Variants in FAF1 observed in about 807,000 individuals in gnomAD.
FAF1 encodes the protein Fas associated factor 1, also known as FAS-associated factor 1.
In FAF1, 25 loss-of-function variants were observed where a neutral mutation model predicts 92.5. The ratio of observed to expected loss-of-function variants is 0.27; its 90% CI spans 0.20 to 0.38. The LOEUF (loss-of-function observed/expected upper bound fraction) is 0.38. FAF1 is among the 10% of genes least tolerant of loss of function. The pLI, the probability that FAF1 is intolerant of heterozygous loss-of-function variation, is 1.00. For missense variants in FAF1, 636 were observed against 793.3 expected (o/e 0.80, Z 2.38); for synonymous variants, 234 against 273.2 (o/e 0.86, Z 1.42).
At chr1:50,884,615 G>A (rs1315687646) in intron 1 of FAF1, among the ~76,000 whole-genome samples, 7 of 151,814 alleles carry the variant, frequency 4.6e-5, no homozygotes, top group Admixed American at 4.6e-4. Flanking sequence ...CATCCCCCTT[G>A]GTCATGATTA....
chr1:50,688,285 T>C (rs1328404720), intron 7 of FAF1, among the ~76,000 whole-genome samples: 1 of 152,040 alleles, frequency 6.6e-6, no homozygotes, highest in East Asian at 1.9e-4. Context: ...GGAAACCTGT[T>C]CCTCAAAAAC....
intron 1 of FAF1, among the ~76,000 whole-genome samples, chr1:50,888,565 A>T (rs1644689839): frequency 6.6e-6 from 1 of 152,096 alleles, no homozygotes; most frequent in Admixed American, 6.5e-5. Context: ...TACCTAATTT[A>T]TTGAGACTTT....
intron 2 of FAF1, among the ~76,000 whole-genome samples, chr1:50,836,168 C>CTGTTTTTTTTT (rs1644200132): frequency 1.3e-5 from 1 of 75,542 alleles, no homozygotes; most frequent in Non-Finnish European, 2.9e-5. Flanking sequence ...TTTTTTGTTT[C>CTGTTTTTTTTT]TGTTTTTTTT....
chr1:50,718,682 T>C (rs1289020286), intron 6 of FAF1, among the ~76,000 whole-genome samples: 1 of 152,216 alleles, frequency 6.6e-6, no homozygotes, highest in East Asian at 1.9e-4. Context: ...TTACTGTGAT[T>C]TTTTTAATTA....
intron 15 of FAF1, among the ~76,000 whole-genome samples, chr1:50,500,668 A>G (rs1056835610): frequency 9.8e-5 from 15 of 152,320 alleles, no homozygotes; most frequent in African/African-American, 3.6e-4. Context: ...CTTCATCAAA[A>G]TTTTAAACTT....
intron 2 of FAF1, among the ~76,000 whole-genome samples, chr1:50,825,494 A>T (rs1038068015): frequency 6.6e-6 from 1 of 152,048 alleles, no homozygotes; most frequent in African/African-American, 2.4e-5. Flanking sequence ...AATATGTATC[A>T]TCTCTAAATC....
chr1:50,713,232 A>AAAGAAATAATGAAACAGT (rs148587996), intron 6 of FAF1, among the ~76,000 whole-genome samples: 58,039 of 143,374 alleles, frequency 0.4, 12,832 homozygotes, highest in African/African-American at 0.53. Context: ...AGTGTTAACC[A>AAAGAAATAATGAAACAGT]AAGAAATAAT....
intron 6 of FAF1, chr1:50,715,032 C>A (rs77935192): frequency 0.011 from 4,889 of 430,634 alleles, 39 homozygotes; most frequent in Non-Finnish European, 0.016. Context: ...AAATATATAT[C>A]TATTTGCATT....
At chr1:50,604,391 C>T (rs1011545788) in intron 8 of FAF1, among the ~76,000 whole-genome samples, 2 of 152,190 alleles carry the variant, frequency 1.3e-5, no homozygotes, top group Non-Finnish European at 2.9e-5. Context: ...AATCCTCTCA[C>T]TTAACAGGAA....
intron 15 of FAF1, among the ~76,000 whole-genome samples, chr1:50,525,603 G>A (rs1647749224): frequency 6.6e-6 from 1 of 152,206 alleles, no homozygotes; most frequent in Non-Finnish European, 1.5e-5. Flanking sequence ...AGGCAGCAGG[G>A]AAGTTGGAAT....
rs1458249388 is a variant in FAF1 at position 50,515,462 on chromosome 1, C to A, written c.1494+19907G>T. 2.6e-5 allele frequency among the ~76,000 whole-genome samples: 4 copies of A among 152,108 alleles called. No homozygotes were observed. The East Asian group carries it at 7.7e-4, about 29-fold the overall frequency. On this transcript the variant is annotated intron_variant, in intron 15 of 18. Transcript: ENST00000396153. ...AAACACAGACTCTCTGGCCCACCTG[C>A]AGAGATTCTGATTCAGTAGGTCTAG... is the stretch of plus-strand genomic sequence containing the variant.
In FAF1 at chr1:50,672,534, C is replaced by G. The variant is rs549594476; in HGVS notation, c.658-17006G>C. Among the ~76,000 whole-genome samples, 12 of 152,184 alleles carry G rather than the reference C, an allele frequency of 7.9e-5. No individual in the cohort carries two copies. The South Asian group carries it at 1.9e-3, about 24-fold the overall frequency. ...CTGGATTCAAACAATCTGCCTACCT[C>G]GACCTACCAAAGTGCTGGGATTATA... On this transcript the variant is annotated intron_variant, in intron 7 of 18. Coordinates refer to ENST00000396153, the MANE Select transcript of FAF1 (RefSeq NM_007051.3).
chr1:50,669,345 A>G (rs1569722814), intron 7 of FAF1, among the ~76,000 whole-genome samples: 1 of 152,340 alleles, frequency 6.6e-6, no homozygotes, highest in East Asian at 1.9e-4. Context: ...GAAAATCACC[A>G]TTTAATAAGT....
chr1:50,687,595 C>T (rs1656725916), intron 7 of FAF1, among the ~76,000 whole-genome samples: 1 of 151,902 alleles, frequency 6.6e-6, no homozygotes, highest in African/African-American at 2.4e-5. Flanking sequence ...ACTAAAAATA[C>T]AAAAATTAGC....
intron 1 of FAF1, among the ~76,000 whole-genome samples, chr1:50,876,154 T>C (rs1025943472): frequency 6.6e-6 from 1 of 152,178 alleles, no homozygotes; most frequent in Non-Finnish European, 1.5e-5. Context: ...GAGGACACAG[T>C]ACTTGAGCAG....
intron 13 of FAF1, among the ~76,000 whole-genome samples, chr1:50,545,247 C>T (rs932501252): frequency 5.9e-5 from 9 of 152,208 alleles, no homozygotes; most frequent in Admixed American, 1.3e-4. Flanking sequence ...CAAAATTACA[C>T]ATATTGAATT....
At chr1:50,597,288 A>G (rs1000173953) in intron 8 of FAF1, among the ~76,000 whole-genome samples, 3 of 152,204 alleles carry the variant, frequency 2.0e-5, no homozygotes, top group Non-Finnish European at 4.4e-5. Flanking sequence ...CCATGAGAGA[A>G]GCCCACTGTC....
At chr1:50,523,704 T>C (rs1440183210) in intron 15 of FAF1, among the ~76,000 whole-genome samples, 3 of 152,180 alleles carry the variant, frequency 2.0e-5, no homozygotes, top group African/African-American at 2.4e-5. Context: ...AATATTTTCT[T>C]CCATTCTGTG....
intron 8 of FAF1, among the ~76,000 whole-genome samples, chr1:50,629,876 T>A (rs1653682103): frequency 6.6e-6 from 1 of 152,014 alleles, no homozygotes; most frequent in South Asian, 2.1e-4. Flanking sequence ...CTGACCAACA[T>A]GGAGAAACCC....
Sources: gnomAD v4.1 joint callset for allele counts (sites outside exome capture counted in the v4.1 genomes callset) on GRCh38, gnomAD v4.1.1 for gene constraint, MANE v1.5 for transcripts, NCBI Gene and HGNC (gene_info 2026-07-23, HGNC 2026-07-21) for gene names.